Variants in PLXNA4 observed in about 807,000 individuals in gnomAD.
PLXNA4 encodes plexin-A4.
In PLXNA4, 44 loss-of-function variants were observed where a neutral mutation model predicts 191.8. The ratio of observed to expected loss-of-function variants is 0.23; its 90% CI spans 0.18 to 0.29. The LOEUF is 0.29. Ranked by LOEUF, PLXNA4 falls within the 10% of genes least tolerant of loss-of-function variation. PLXNA4 has a pLI of 1.00. For synonymous variants in PLXNA4, 1,082 were observed against 1,009.5 expected, an observed-to-expected ratio of 1.07 and a Z score of -1.36; for missense variants, 1,800 against 2,488.8, an observed-to-expected ratio of 0.72 and a Z score of 5.89.
In PLXNA4 at chr7:132,132,468, C is replaced by CTGTTCTGTTCTGT. The variant is rs1563048357; in HGVS notation, c.5589+580_5589+581insACAGAACAGAACA. ...TTCTGTTCTGTTCTGTTCTGTTCTGCTCTGCTCTGCTCTGCTCTGCTCTAT... is the reference window on the plus strand; with the variant it reads ...TTCTGTTCTGTTCTGTTCTGTTCTGCTGTTCTGTTCTGTTCTGCTCTGCTCTGCTCTGCTCTAT... On this transcript the variant is annotated intron_variant, in intron 31 of 31. Transcript: ENST00000321063. 9.2e-3 allele frequency among the ~76,000 whole-genome samples: 409 copies of CTGTTCTGTTCTGT among 44,448 alleles called. 30 individuals are homozygous for CTGTTCTGTTCTGT. The highest frequency in any genetic ancestry group is 0.018 in the African/African-American group (214 of 12,140). 29.2% of individuals were successfully genotyped at this position (44,448 alleles called of 152,430 possible). A position where few individuals can be genotyped will look rare whatever the true frequency, so the allele number is the denominator to read the frequency against.
At chr7:132,355,988 C>A (rs1198642992) in intron 3 of PLXNA4, among the ~76,000 whole-genome samples, 1 of 151,902 alleles carries the variant, frequency 6.6e-6, no homozygotes, top group Non-Finnish European at 1.5e-5. Flanking sequence ...AGGGGAAGAG[C>A]GAGGAGGGGG....
intron 9 of PLXNA4, among the ~76,000 whole-genome samples, chr7:132,215,361 A>G (rs1470526612): frequency 1.3e-5 from 2 of 152,248 alleles, no homozygotes; most frequent in Non-Finnish European, 2.9e-5. Context: ...CTTTATTCAT[A>G]AAATGAAGGG....
chr7:132,255,850 G>A (rs1282535160), intron 4 of PLXNA4, among the ~76,000 whole-genome samples: 1 of 152,218 alleles, frequency 6.6e-6, no homozygotes, highest in African/African-American at 2.4e-5. Flanking sequence ...AAGGAAAAGA[G>A]GAAAACCCCA....
chr7:132,238,197 C>G (rs550063742), intron 5 of PLXNA4, among the ~76,000 whole-genome samples: 3 of 152,174 alleles, frequency 2.0e-5, no homozygotes, highest in East Asian at 3.9e-4. Context: ...CTTAATGAAT[C>G]TATTATATAT....
intron 13 of PLXNA4, among the ~76,000 whole-genome samples, chr7:132,194,671 C>A (rs1303318368): frequency 6.6e-6 from 1 of 152,116 alleles, no homozygotes; most frequent in Non-Finnish European, 1.5e-5. Flanking sequence ...TCCCAGCCAG[C>A]CTCCAGGCTG....
intron 1 of PLXNA4, among the ~76,000 whole-genome samples, chr7:132,529,607 CT>C (rs35449894): frequency 1.2e-3 from 160 of 136,106 alleles, no homozygotes; most frequent in East Asian, 1.5e-3. Context: ...AATAGGTATT[CT>C]TTTTTTTTTT....
intron 5 of PLXNA4, among the ~76,000 whole-genome samples, chr7:132,240,511 G>C (rs1235351067): frequency 1.3e-5 from 2 of 152,224 alleles, no homozygotes; most frequent in Admixed American, 6.5e-5. Flanking sequence ...GCCAGCTAAT[G>C]GGTGTTTGGC....
chr7:132,571,896 C>A (rs1585370785), intron 1 of PLXNA4, among the ~76,000 whole-genome samples: 1 of 152,056 alleles, frequency 6.6e-6, no homozygotes. Flanking sequence ...TGACAGTCAC[C>A]CTCAGGACCT....
At chr7:132,157,094 C>T (rs1490691465) in intron 25 of PLXNA4, among the ~76,000 whole-genome samples, 2 of 152,190 alleles carry the variant, frequency 1.3e-5, no homozygotes, top group Non-Finnish European at 2.9e-5. Flanking sequence ...TCTTATTCCT[C>T]CAAGTGTGGC....
At chr7:132,218,715 C>T (rs1394708871) in intron 9 of PLXNA4, among the ~76,000 whole-genome samples, 1 of 152,146 alleles carries the variant, frequency 6.6e-6, no homozygotes, top group African/African-American at 2.4e-5. Context: ...GTGGGCATGG[C>T]TTTGTTAATG....
chr7:132,243,295 A>G (rs768690215), intron 4 of PLXNA4, among the ~76,000 whole-genome samples: 2 of 152,196 alleles, frequency 1.3e-5, no homozygotes, highest in Admixed American at 6.5e-5. Context: ...TATTTTGCAT[A>G]GGCTTAAACA....
At chr7:132,359,626 G>A (rs1188177959) in intron 3 of PLXNA4, among the ~76,000 whole-genome samples, 3 of 152,012 alleles carry the variant, frequency 2.0e-5, no homozygotes, top group African/African-American at 7.3e-5. Context: ...GTATACCTAA[G>A]GTCTTAAATT....
rs908363690 is a variant in PLXNA4 at position 132,338,037 on chromosome 7, G to A, written c.1372-39815C>T. 2.6e-5 allele frequency among the ~76,000 whole-genome samples: 4 copies of A among 152,166 alleles called. No homozygotes were observed. The South Asian group carries it at 8.3e-4, about 32-fold the overall frequency. On this transcript the variant is annotated intron_variant, in intron 3 of 31. Transcript: ENST00000321063. Reference sequence around the variant, plus strand: ...CACTCTCATATCTACACTGTAGAGCGCTGTTATATACTCACTCTCAACTTG... The same window carrying A: ...CACTCTCATATCTACACTGTAGAGCACTGTTATATACTCACTCTCAACTTG...
intron 2 of PLXNA4, among the ~76,000 whole-genome samples, chr7:132,623,830 T>C (rs1803320642): frequency 6.6e-6 from 1 of 152,210 alleles, no homozygotes; most frequent in South Asian, 2.1e-4. Context: ...GACCACCAAA[T>C]GTGAACCTGG....
chr7:132,474,224 A>T (rs879264951), intron 3 of PLXNA4, among the ~76,000 whole-genome samples: 6,179 of 150,716 alleles, frequency 0.041, 206 homozygotes, highest in African/African-American at 0.083. Context: ...TCACACACAC[A>T]CACACACACA....
intron 2 of PLXNA4, among the ~76,000 whole-genome samples, chr7:132,608,308 G>C (rs927457963): frequency 4.6e-5 from 7 of 152,000 alleles, no homozygotes; most frequent in African/African-American, 1.7e-4. Context: ...ACACTCTCCA[G>C]GCAGAAGTGT....
At chr7:132,317,809 C>T (rs1802005504) in intron 3 of PLXNA4, among the ~76,000 whole-genome samples, 1 of 152,158 alleles carries the variant, frequency 6.6e-6, no homozygotes, top group Admixed American at 6.5e-5. Flanking sequence ...TTGTAGGGAG[C>T]CTCTCAGCCT....
intron 3 of PLXNA4, among the ~76,000 whole-genome samples, chr7:132,339,192 A>C (rs2116735011): frequency 6.6e-6 from 1 of 152,302 alleles, no homozygotes; most frequent in Middle Eastern, 3.4e-3. Flanking sequence ...ACTCCGCAAA[A>C]CATAATGATT....
chr7:132,413,597 T>A (rs1219948253), intron 3 of PLXNA4, among the ~76,000 whole-genome samples: 2 of 152,188 alleles, frequency 1.3e-5, no homozygotes, highest in Non-Finnish European at 1.5e-5. Context: ...CCTAAGCAAT[T>A]CAATGGTGCC....
Sources: allele counts gnomAD v4.1 joint callset (sites outside exome capture counted in the v4.1 genomes callset), GRCh38; gene constraint gnomAD v4.1.1; transcripts MANE v1.5; gene names NCBI Gene and HGNC (gene_info 2026-07-23, HGNC 2026-07-21).